Variants in DNAH8 observed in about 807,000 individuals in gnomAD.
DNAH8 encodes the protein axonemal beta dynein heavy chain 8.
A neutral mutation model predicts 562.1 loss-of-function variants in DNAH8; 382 were observed. That is an observed-to-expected ratio of 0.68 (90% CI 0.63 to 0.74). The LOEUF (loss-of-function observed/expected upper bound fraction) is 0.74, where lower values mean the gene tolerates loss of function less well. DNAH8 is among the 30% of genes least tolerant of loss of function. DNAH8 has a pLI of 0.00. For missense variants in DNAH8, 5,203 were observed against 5,620.4 expected (o/e 0.93, Z 2.37); for synonymous variants, 1,881 against 1,919.4 (o/e 0.98, Z 0.52).
intron 17 of DNAH8, among the ~76,000 whole-genome samples, chr6:38,784,345 G>A (rs893872924): frequency 3.9e-5 from 6 of 152,112 alleles, no homozygotes; most frequent in Admixed American, 1.3e-4. Flanking sequence ...CTACAATGCC[G>A]CGCACTTAAT....
At chr6:38,997,991 C>T (rs1765254447) in intron 88 of DNAH8, among the ~76,000 whole-genome samples, 1 of 152,208 alleles carries the variant, frequency 6.6e-6, no homozygotes, top group South Asian at 2.1e-4. Context: ...CTCCTGACCT[C>T]AAGTGATCCA....
chr6:38,728,494 C>G (rs1763406424), intron 3 of DNAH8, among the ~76,000 whole-genome samples: 1 of 119,160 alleles, frequency 8.4e-6, no homozygotes, highest in African/African-American at 2.7e-5. Context: ...ATTTTGATGT[C>G]TTTTTATCCT....
At position 38,909,756 on chromosome 6, in the gene DNAH8, T is replaced by G. The variant is rs1780741856; in HGVS notation, c.9740+12T>G. 3.1e-6 allele frequency: 5 copies of G among 1,603,296 alleles called. No individual in the cohort carries two copies. Among genetic ancestry groups the G allele is most frequent in the Admixed American group, 1.7e-5 (1 of 59,956 alleles). On this transcript the variant is annotated intron_variant, in intron 65 of 92. Transcript: ENST00000327475. Reference sequence around the variant, plus strand: ...AGTTATTTCCAAAGGTAAGTGATATTACATAAGCACCATCGCTATGGAACC... The same window carrying G: ...AGTTATTTCCAAAGGTAAGTGATATGACATAAGCACCATCGCTATGGAACC...
intron 26 of DNAH8, among the ~76,000 whole-genome samples, chr6:38,817,740 T>C (rs1772417287): frequency 6.6e-6 from 1 of 152,150 alleles, no homozygotes; most frequent in Non-Finnish European, 1.5e-5. Context: ...ATTCAGGACC[T>C]AGAAAGAGCA....
chr6:39,011,887 A>G (rs1201514930), intron 89 of DNAH8, among the ~76,000 whole-genome samples: 1 of 152,252 alleles, frequency 6.6e-6, no homozygotes, highest in African/African-American at 2.4e-5. Context: ...TTAGATTGCA[A>G]AAAGAATATC....
intron 5 of DNAH8, among the ~76,000 whole-genome samples, chr6:38,736,492 T>C (rs954539688): frequency 2.0e-5 from 3 of 152,206 alleles, no homozygotes; most frequent in African/African-American, 7.2e-5. Flanking sequence ...AATTTTATAC[T>C]TCATTGCCAC....
chr6:38,919,543 G>A (rs946929240), intron 70 of DNAH8, among the ~76,000 whole-genome samples: 1 of 152,068 alleles, frequency 6.6e-6, no homozygotes, highest in South Asian at 2.1e-4. Flanking sequence ...TATTTTTCAG[G>A]TTGAATAACT....
At chr6:38,806,705 C>T (rs1241929834) in intron 23 of DNAH8, among the ~76,000 whole-genome samples, 4 of 151,808 alleles carry the variant, frequency 2.6e-5, no homozygotes, top group Non-Finnish European at 4.4e-5. Flanking sequence ...GGCGTGAACC[C>T]GGGAGGCAGA....
intron 4 of DNAH8, among the ~76,000 whole-genome samples, chr6:38,734,197 G>C (rs1326348894): frequency 2.0e-5 from 3 of 150,706 alleles, no homozygotes; most frequent in Non-Finnish European, 4.4e-5. Flanking sequence ...TGAGGCAGGA[G>C]AATGGCTTGA....
At chr6:38,744,504 A>G (rs1764770111) in intron 8 of DNAH8, 1 of 152,046 alleles carries the variant, frequency 6.6e-6, no homozygotes, top group Non-Finnish European at 1.5e-5. Context: ...CTTACTGGCT[A>G]TTCATATTTC....
At chr6:38,904,775 A>G (rs565745037) in intron 62 of DNAH8, among the ~76,000 whole-genome samples, 1 of 140,962 alleles carries the variant, frequency 7.1e-6, no homozygotes, top group Non-Finnish European at 1.5e-5. Flanking sequence ...CTGGGCAAGA[A>G]GAGTGAAACT....
chr6:38,928,797 CA>C (rs1353055373), intron 74 of DNAH8, among the ~76,000 whole-genome samples: 3 of 152,072 alleles, frequency 2.0e-5, no homozygotes, highest in Admixed American at 1.3e-4. Flanking sequence ...CACAGTTAGG[CA>C]GGGGGAGGGA....
intron 91 of DNAH8, among the ~76,000 whole-genome samples, chr6:39,017,739 A>G (rs533475351): frequency 3.9e-5 from 6 of 152,296 alleles, no homozygotes; most frequent in African/African-American, 1.2e-4. Context: ...TTTCAGTTAG[A>G]GGCAATCCTG....
chr6:38,751,316 C>T (rs779577468), intron 9 of DNAH8, among the ~76,000 whole-genome samples: 1 of 152,242 alleles, frequency 6.6e-6, no homozygotes, highest in Non-Finnish European at 1.5e-5. Flanking sequence ...AAGTTGGAAT[C>T]TACCTTCTTT....
intron 80 of DNAH8, 89 bp downstream of exon 80, chr6:38,945,677 C>A: frequency 6.4e-7 from 1 of 1,553,676 alleles, no homozygotes; most frequent in Non-Finnish European, 8.8e-7. Context: ...GGCAGCAATT[C>A]CTTCACCCAA....
chr6:38,721,331 TAAAC>T (rs34225597), intron 1 of DNAH8, among the ~76,000 whole-genome samples: 3 of 150,374 alleles, frequency 2.0e-5, no homozygotes, highest in African/African-American at 7.4e-5. Flanking sequence ...ATAAAAATAA[TAAAC>T]AAACAAACAA....
chr6:38,938,799 T>C lies in DNAH8; in HGVS notation c.11818T>C (p.Ser3940Pro), dbSNP rs752843257. The change falls in exon 79 of 93, where the codon TCT becomes CCT. Residue 3940 changes from serine to proline, a missense_variant and splice_region_variant. By Grantham distance (74) the Ser-to-Pro change is moderately conservative. This residue lies in a region of DNAH8 where 1,399 missense variants were observed against 1,518.4 expected (regional missense o/e 0.92). Transcript: ENST00000327475. ...TTTGATTCTTAAAATGTGTTTCAGA[T>C]CTGAAAAGTCACCACTACCTCAAAA... Reference protein sequence around the residue: ...LKLFDQSMARSEKSPLPQKRI... With the variant: ...LKLFDQSMARPEKSPLPQKRI... 29 of 1,593,986 alleles carry C rather than the reference T, an allele frequency of 1.8e-5. No homozygotes were observed. The highest frequency in any genetic ancestry group is 3.4e-4 in the Middle Eastern group (2 of 5,970).
Position 38,786,959 on chromosome 6 carries a change from T to C in DNAH8, c.2583+7T>C, listed in dbSNP as rs1769216780. ...AGACAAACTGTATTTGCAGGTAAGATAGATTATGTTTTCTAATTATTTTTG... is the reference window on the plus strand; with the variant it reads ...AGACAAACTGTATTTGCAGGTAAGACAGATTATGTTTTCTAATTATTTTTG... On this transcript the variant is annotated splice_region_variant and intron_variant, in intron 18 of 92. Transcript: ENST00000327475. 1 of 1,564,660 alleles carries C rather than the reference T, an allele frequency of 6.4e-7. No individual in the cohort carries two copies. The highest frequency in any genetic ancestry group is 1.2e-5 in the South Asian group (1 of 83,234).
rs954477155 is a variant in DNAH8, at chr6:38,872,960, A to T, written c.7292A>T (p.Asn2431Ile). The T allele has an allele frequency of 6.2e-7, 1 of 1,614,158 alleles. No individual in the cohort carries two copies. The highest frequency in any genetic ancestry group is 8.5e-7 in the Non-Finnish European group (1 of 1,180,004). The part of the protein sequence containing the change: ...DGPVDAIWIE[N>I]LNSVLDDNKT... ...CCTGTGGATGCCATCTGGATTGAGA[A>T]CTTAAATTCCGTTTTGGATGACAAT... Residue 2431 changes from asparagine to isoleucine, a missense_variant, in exon 51 of 93, where the codon AAC (asparagine) becomes ATC (isoleucine). Physicochemically the swap from Asn to Ile is moderately radical, Grantham distance 149 (BLOSUM62 -3). This residue lies in a region of DNAH8 where 8 missense variants were observed against 33.4 expected (regional missense o/e 0.24). Transcript: ENST00000327475.
Sources: gnomAD v4.1 joint callset for allele counts (sites outside exome capture counted in the v4.1 genomes callset) on GRCh38, gnomAD v4.1.1 for gene constraint, gnomAD v4.1.1 regional missense constraint, MANE v1.5 for transcripts, NCBI Gene and HGNC (gene_info 2026-07-23, HGNC 2026-07-21) for gene names.